STX4: variants seen among roughly 807,000 people sequenced by gnomAD.
STX4 encodes the protein syntaxin 4, also known as syntaxin-4.
In STX4, 24 loss-of-function variants were observed where a neutral mutation model predicts 41.8. The observed-to-expected ratio is 0.57, with a 90% CI of 0.42 to 0.81. The LOEUF (loss-of-function observed/expected upper bound fraction) is 0.81, where lower values mean the gene tolerates loss of function less well. STX4 is among the 30% of genes least tolerant of loss of function. The probability of loss-of-function intolerance (pLI) is 0.00; values close to 1 mark genes in which losing one functional copy is unlikely to be tolerated. For missense variants in STX4, 316 were observed against 389.9 expected, an observed-to-expected ratio of 0.81 and a Z score of 1.60; for synonymous variants, 158 against 156.4, an observed-to-expected ratio of 1.01 and a Z score of -0.08.
chr16:31,034,781 T>A (rs560764200), intron 4 of STX4, 189 bp from the exon 5 acceptor site: 2 of 685,778 alleles, frequency 2.9e-6, no homozygotes, highest in Non-Finnish European at 4.8e-6. Flanking sequence ...TGGGCATTCT[T>A]TGGGCAGGGA....
rs994784759 is a variant in STX4, at chr16:31,033,581, G to A, written c.-225G>A. On this transcript the variant is annotated 5_prime_UTR_variant, in exon 1 of 11. Coordinates refer to ENST00000313843, the MANE Select transcript of STX4 (RefSeq NM_004604.5). The surrounding 1 kb of genome is among the most constrained non-coding windows in gnomAD (Gnocchi z 5.5). ...GGGCTGAGGCTGCGGGAGCTGGAGC[G>A]GGGAAGAAAAGGGAATTCCAACCTG... is the stretch of plus-strand genomic sequence containing the variant. The A allele has an allele frequency of 6.5e-6, 10 of 1,533,912 alleles. No homozygotes were observed. The African/African-American group carries it at 1.4e-4, about 21-fold the overall frequency.
At chr16:31,037,322 C>T (rs1468121957) in intron 5 of STX4, among the ~76,000 whole-genome samples, 1 of 151,378 alleles carries the variant, frequency 6.6e-6, no homozygotes, top group Non-Finnish European at 1.5e-5. Context: ...CCTCAGCCTC[C>T]CAAAGTGCTG....
Position 31,033,618 on chromosome 16 carries a change from G to C in STX4, c.-188G>C, listed in dbSNP as rs535596845. ...GGAATTCCAACCTGTGGAACCTTGG[G>C]GGGTCCCCGGGGTCGGCGCCTTCCC... On this transcript the variant is annotated 5_prime_UTR_variant, in exon 1 of 11. Coordinates refer to ENST00000313843, the MANE Select transcript of STX4 (RefSeq NM_004604.5). The surrounding 1 kb of genome is among the most constrained non-coding windows in gnomAD (Gnocchi z 5.5). The C allele has an allele frequency of 1.3e-6, 2 of 1,482,994 alleles. No homozygotes were observed. Among genetic ancestry groups the C allele is most frequent in the East Asian group, 5.0e-5 (2 of 40,388 alleles). 91.9% of individuals were successfully genotyped at this position (1,482,994 alleles called of 1,614,324 possible).
At chr16:31,037,649 A>C (rs2056810827) in intron 5 of STX4, among the ~76,000 whole-genome samples, 1 of 150,998 alleles carries the variant, frequency 6.6e-6, no homozygotes, top group Admixed American at 6.6e-5. Flanking sequence ...AACAAGAGTG[A>C]AACTCTGTCT....
At chr16:31,034,710 C>T (rs946926594) in intron 4 of STX4, 174 bp downstream of exon 4, 1 of 751,566 alleles carries the variant, frequency 1.3e-6, no homozygotes, top group Non-Finnish European at 2.1e-6. Flanking sequence ...AGCACAAGTC[C>T]GCCTCTCAGG....
chr16:31,033,381 G>A (rs1233381347), upstream of STX4: 3 of 1,090,688 alleles, frequency 2.8e-6, no homozygotes, highest in Non-Finnish European at 4.1e-6. This position sits in a 1 kb window ranked among gnomAD's most constrained non-coding sequence, Gnocchi z 5.5. Context: ...TACCCCTTTT[G>A]GCAACCAGAT....
chr16:31,039,530 C>T lies in STX4; in HGVS notation c.703-11C>T, dbSNP rs1049474818. 1.8e-5 allele frequency: 29 copies of T among 1,613,380 alleles called. No individual in the cohort carries two copies. The highest frequency in any genetic ancestry group is 1.7e-4 in the Admixed American group (10 of 59,978). ...TCCTTACCTCCCTGAACCACCCCAT[C>T]CTCTGAGCAGGGGGAGATGATCAAT... On this transcript the variant is annotated splice_polypyrimidine_tract_variant and intron_variant, in intron 8 of 10. Transcript: ENST00000313843. This position sits in a 1 kb window ranked among gnomAD's most constrained non-coding sequence, Gnocchi z 4.1.
Position 31,035,043 on chromosome 16 carries a change from G to A in STX4, c.378+3G>A. On this transcript the variant is annotated splice_donor_region_variant and intron_variant, in intron 5 of 10. Transcript: ENST00000313843. ...ACACAAGAATGAGAAAAACCCAGGTGGGTTTTTTTTCTCAGAAATGAGGAC... is the reference window on the plus strand; with the variant it reads ...ACACAAGAATGAGAAAAACCCAGGTAGGTTTTTTTTCTCAGAAATGAGGAC... 6.3e-7 allele frequency: 1 copy of A among 1,599,966 alleles called. No individual in the cohort carries two copies. Among genetic ancestry groups the A allele is most frequent in the Non-Finnish European group, 8.5e-7 (1 of 1,176,024 alleles).
intron 4 of STX4, 53 bp from the exon 5 acceptor site, chr16:31,034,917 C>G: frequency 1.4e-6 from 2 of 1,416,846 alleles, no homozygotes; most frequent in Non-Finnish European, 1.9e-6. Flanking sequence ...ATTATATTTC[C>G]CTAAAAATCC....
At chr16:31,037,720 C>T (rs2056812131) in intron 5 of STX4, among the ~76,000 whole-genome samples, 1 of 145,692 alleles carries the variant, frequency 6.9e-6, no homozygotes, top group Admixed American at 6.8e-5. Flanking sequence ...TAAAAAAGAT[C>T]ATGGAGGACC....
At position 31,039,681 on chromosome 16, in the gene STX4, A is replaced by G; in HGVS notation, c.813+30A>G. ...GCCTCCCAGGCCCGGCCACTGCCCC[A>G]GGCACCCTGTGTGACTTCCCTGACC... On this transcript the variant is annotated intron_variant, in intron 9 of 10. Coordinates refer to ENST00000313843, the MANE Select transcript of STX4 (RefSeq NM_004604.5). The surrounding 1 kb of genome is among the most constrained non-coding windows in gnomAD (Gnocchi z 4.1). 6.2e-7 allele frequency: 1 copy of G among 1,614,116 alleles called. No homozygotes were observed. Among genetic ancestry groups the G allele is most frequent in the South Asian group, 1.1e-5 (1 of 91,086 alleles).
chr16:31,034,171 A>G (rs748406426), intron 2 of STX4, 55 bp from the exon 3 acceptor site: 21 of 1,613,034 alleles, frequency 1.3e-5, no homozygotes, highest in South Asian at 1.1e-5. Context: ...CCCGAGGAGT[A>G]GCGTGGTCTG....
chr16:31,037,857 G>A, intron 5 of STX4, 69 bp from the exon 6 acceptor site: 1 of 1,507,242 alleles, frequency 6.6e-7, no homozygotes, highest in Non-Finnish European at 9.2e-7. Flanking sequence ...ACTGTACTAT[G>A]GGGTTGCCGA....
In STX4 at chr16:31,034,307, A is replaced by G; in HGVS notation, c.214A>G (p.Thr72Ala). ...GAAACAGCAGGTCACCATCCTGGCC[A>G]CGCCCCTTCCCGAGGAGAGTGAGTG... ...LEKQQVTILATPLPEESMKQE... is the reference protein window; with the variant it reads ...LEKQQVTILAAPLPEESMKQE... The change falls in exon 3 of 11, where the codon ACG becomes GCG. Residue 72 changes from threonine to alanine, a missense_variant. Coordinates refer to ENST00000313843, the MANE Select transcript of STX4 (RefSeq NM_004604.5). 1.2e-6 allele frequency: 2 copies of G among 1,614,124 alleles called. No individual in the cohort carries two copies. Among genetic ancestry groups the G allele is most frequent in the Non-Finnish European group, 1.7e-6 (2 of 1,180,018 alleles).
chr16:31,034,353 A>G, intron 3 of STX4, 28 bp downstream of exon 3: 1 of 1,613,594 alleles, frequency 6.2e-7, no homozygotes, highest in Non-Finnish European at 8.5e-7. Flanking sequence ...TGCAGGGCGC[A>G]TGCTCCGCCC....
chr16:31,034,669 C>A (rs545681028), intron 4 of STX4, 133 bp downstream of exon 4: 62 of 1,035,290 alleles, frequency 6.0e-5, no homozygotes, highest in Non-Finnish European at 8.2e-5. Context: ...TAGCATCTGT[C>A]TCCTGGCCTC....
chr16:31,035,065 G>A (rs1467796176), intron 5 of STX4, 25 bp downstream of exon 5: 2 of 1,574,994 alleles, frequency 1.3e-6, no homozygotes. Context: ...TCAGAAATGA[G>A]GACATTTCAG....
intron 2 of STX4, 40 bp downstream of exon 2, chr16:31,034,154 A>AGGAGGACCCGAGGAGTAGCGTGGTCT: frequency 1.2e-6 from 2 of 1,611,832 alleles, no homozygotes; most frequent in Non-Finnish European, 1.7e-6. Context: ...GCGAGGGTGT[A>AGGAGGACCCGAGGAGTAGCGTGGTCT]GGAGGACCCG....
intron 5 of STX4, chr16:31,035,714 T>A (rs1423125082): frequency 1.3e-5 from 2 of 152,146 alleles, no homozygotes; most frequent in African/African-American, 4.8e-5. Flanking sequence ...ATTCAAGAAG[T>A]CAGGAAGAGG....
Sources: allele counts gnomAD v4.1 joint callset (sites outside exome capture counted in the v4.1 genomes callset), GRCh38; gene constraint gnomAD v4.1.1; non-coding constraint Gnocchi (gnomAD v3.1); transcripts MANE v1.5; gene names NCBI Gene and HGNC (gene_info 2026-07-23, HGNC 2026-07-21).